Variants in MYO1D observed in about 807,000 individuals in gnomAD.
The protein encoded by MYO1D is unconventional myosin-Id.
A neutral mutation model predicts 122.0 loss-of-function variants in MYO1D; 83 were observed. The observed-to-expected ratio is 0.68, with a 90% CI of 0.57 to 0.82. The LOEUF (loss-of-function observed/expected upper bound fraction) is 0.82. MYO1D is among the 40% of genes least tolerant of loss of function. MYO1D has a pLI of 0.00. For synonymous variants in MYO1D, 464 were observed against 446.9 expected, an observed-to-expected ratio of 1.04 and a Z score of -0.48; for missense variants, 1,157 against 1,269.5, an observed-to-expected ratio of 0.91 and a Z score of 1.35.
intron 21 of MYO1D, chr17:32,509,880 A>ATTTCAC (rs1909628542): frequency 5.3e-5 from 8 of 152,304 alleles, no homozygotes; most frequent in African/African-American, 1.7e-4. Flanking sequence ...AGTGAAATAT[A>ATTTCAC]TGGGCCTGGA....
At chr17:32,511,069 C>G (rs1014600959) in intron 21 of MYO1D, among the ~76,000 whole-genome samples, 1 of 152,072 alleles carries the variant, frequency 6.6e-6, no homozygotes, top group East Asian at 1.9e-4. Flanking sequence ...CAGTGGGACG[C>G]CTGGGCCAGC....
At chr17:32,807,056 A>G (rs2090520894) in intron 1 of MYO1D, among the ~76,000 whole-genome samples, 5 of 152,252 alleles carry the variant, frequency 3.3e-5, no homozygotes, top group Admixed American at 2.6e-4. Flanking sequence ...TTAAGGTGAA[A>G]TAACAGTTGC....
chr17:32,777,837 G>A (rs995430875), intron 3 of MYO1D, among the ~76,000 whole-genome samples: 1 of 152,178 alleles, frequency 6.6e-6, no homozygotes, highest in African/African-American at 2.4e-5. Flanking sequence ...GGGAAGCTGA[G>A]GCAGGAGAAT....
chr17:32,597,471 A>G (rs111775239), intron 21 of MYO1D, among the ~76,000 whole-genome samples: 10 of 133,958 alleles, frequency 7.5e-5, no homozygotes, highest in African/African-American at 2.9e-4. Flanking sequence ...TGGTATGTGT[A>G]GCATATCACC....
chr17:32,822,818 C>A (rs1049006922), intron 1 of MYO1D, among the ~76,000 whole-genome samples: 6 of 151,578 alleles, frequency 4.0e-5, no homozygotes, highest in Admixed American at 2.0e-4. Flanking sequence ...AGTCGGGCCT[C>A]CGGGGTCGAC....
chr17:32,875,779 A>G (rs2091222822), intron 1 of MYO1D, among the ~76,000 whole-genome samples: 1 of 152,204 alleles, frequency 6.6e-6, no homozygotes, highest in Non-Finnish European at 1.5e-5. Context: ...CTTTCACTTT[A>G]TAAGCTTAAG....
intron 7 of MYO1D, 111 bp downstream of exon 7, chr17:32,767,525 C>T (rs2090069942): frequency 6.1e-6 from 4 of 656,956 alleles, no homozygotes; most frequent in Non-Finnish European, 7.6e-6. Flanking sequence ...AAAATACGTA[C>T]AAAATTTTCT....
At position 32,764,920 on chromosome 17, in the gene MYO1D, G is replaced by A; in HGVS notation, c.993C>T (p.His331=). 6.2e-7 allele frequency: 1 copy of A among 1,614,206 alleles called. No homozygotes were observed. Among genetic ancestry groups the A allele is most frequent in the Non-Finnish European group, 8.5e-7 (1 of 1,180,036 alleles). Residue 331 remains histidine, a synonymous_variant, in exon 8 of 22, where the codon CAC becomes CAT. Coordinates refer to ENST00000318217, the MANE Select transcript of MYO1D (RefSeq NM_015194.3). ...ATGRDIIDKQ[H]TEQEASYGRD... is the part of the protein sequence containing the mutation. ...TGCCGTAGCTGGCCTCTTGTTCTGT[G>A]TGCTGCTTGTCAATGATGTCACGGC...
intron 1 of MYO1D, among the ~76,000 whole-genome samples, chr17:32,865,299 T>C (rs1283371275): frequency 1.3e-5 from 2 of 152,252 alleles, no homozygotes; most frequent in African/African-American, 4.8e-5. Context: ...GATCCTCTAT[T>C]GTACAAGTTA....
intron 21 of MYO1D, among the ~76,000 whole-genome samples, chr17:32,602,332 C>T (rs1261970320): frequency 1.3e-5 from 2 of 152,142 alleles, no homozygotes; most frequent in African/African-American, 2.4e-5. Context: ...GACTGGATGT[C>T]AGACATTGTG....
At chr17:32,543,746 T>C (rs1446409441) in intron 21 of MYO1D, among the ~76,000 whole-genome samples, 1 of 152,104 alleles carries the variant, frequency 6.6e-6, no homozygotes, top group Non-Finnish European at 1.5e-5. Flanking sequence ...AGAGGTGGCA[T>C]GCTAAGTCCT....
In MYO1D at chr17:32,632,455, G is replaced by A. The variant is rs147323392; in HGVS notation, c.2709+6267C>T. The A allele has an allele frequency of 5.8e-3, 875 of 152,018 alleles. 9 individuals are homozygous for A. Among genetic ancestry groups the A allele is most frequent in the African/African-American group, 0.019 (782 of 41,436 alleles). 9.4% of individuals were successfully genotyped at this position (152,018 alleles called of 1,614,324 possible). ...AGGCATGGCCCAAACCTTTTGGAGC[G>A]GAGTGGCGGCTGCCGTGTCATGAGG... On this transcript the variant is annotated intron_variant, in intron 20 of 21. Transcript: ENST00000318217.
intron 1 of MYO1D, among the ~76,000 whole-genome samples, chr17:32,853,408 G>C (rs1357364006): frequency 2.0e-5 from 3 of 152,150 alleles, no homozygotes; most frequent in Non-Finnish European, 4.4e-5. Flanking sequence ...AGGATTTGAT[G>C]AATTTATTCT....
At chr17:32,862,879 G>A (rs899291211) in intron 1 of MYO1D, 7 of 152,128 alleles carry the variant, frequency 4.6e-5, no homozygotes, top group Admixed American at 1.3e-4. Flanking sequence ...CAGTGGCTCC[G>A]AGCCTGGCTG....
At chr17:32,740,542 G>GA (rs1274718037) in intron 13 of MYO1D, among the ~76,000 whole-genome samples, 1 of 152,164 alleles carries the variant, frequency 6.6e-6, no homozygotes, top group African/African-American at 2.4e-5. Context: ...GCAGTGGTGA[G>GA]ATGATAGCTC....
At chr17:32,735,331 G>C (rs1488318077) in intron 14 of MYO1D, among the ~76,000 whole-genome samples, 1 of 152,004 alleles carries the variant, frequency 6.6e-6, no homozygotes, top group Non-Finnish European at 1.5e-5. Flanking sequence ...TGGGACAACA[G>C]GCCACCATGC....
intron 14 of MYO1D, 24 bp downstream of exon 14, chr17:32,738,229 A>G (rs1352115138): frequency 1.3e-6 from 2 of 1,554,374 alleles, no homozygotes; most frequent in South Asian, 2.5e-5. Context: ...GTTAAAATGG[A>G]TATTTAGAAA....
At chr17:32,808,668 A>C (rs1402169204) in intron 1 of MYO1D, among the ~76,000 whole-genome samples, 1 of 152,182 alleles carries the variant, frequency 6.6e-6, no homozygotes, top group African/African-American at 2.4e-5. Context: ...TCAAGGGTAG[A>C]GCCCTCATGA....
intron 21 of MYO1D, among the ~76,000 whole-genome samples, chr17:32,568,701 A>C (rs193262727): frequency 2.6e-5 from 4 of 152,316 alleles, no homozygotes; most frequent in Admixed American, 1.3e-4. Context: ...ATCTGAACTG[A>C]ACCCACATTT....
Sources: allele counts gnomAD v4.1 joint callset (sites outside exome capture counted in the v4.1 genomes callset), GRCh38; gene constraint gnomAD v4.1.1; transcripts MANE v1.5; gene names NCBI Gene and HGNC (gene_info 2026-07-23, HGNC 2026-07-21).